Variants in DOP1A observed in about 807,000 individuals in gnomAD.
DOP1A encodes DOP1 leucine zipper like protein A.
DOP1A carries 90 observed loss-of-function variants against 267.6 expected under a neutral mutation model. The observed-to-expected ratio is 0.34, with a 90% CI of 0.28 to 0.40. The LOEUF is 0.40. Ranked by LOEUF, DOP1A falls within the 10% of genes least tolerant of loss-of-function variation. The probability of loss-of-function intolerance (pLI) is 1.00; values close to 1 mark genes in which losing one functional copy is unlikely to be tolerated. For synonymous variants in DOP1A, 932 were observed against 999.1 expected (o/e 0.93, Z 1.27); for missense variants, 2,437 against 2,900.4 (o/e 0.84, Z 3.67).
At chr6:83,103,785 T>A (rs976885708) in intron 4 of DOP1A, among the ~76,000 whole-genome samples, 1 of 152,198 alleles carries the variant, frequency 6.6e-6, no homozygotes, top group Non-Finnish European at 1.5e-5. Flanking sequence ...ATGAACAGAT[T>A]GTAAATGTTC....
intron 1 of DOP1A, among the ~76,000 whole-genome samples, chr6:83,069,052 T>G (rs969900297): frequency 3.9e-5 from 6 of 152,238 alleles, no homozygotes; most frequent in African/African-American, 1.4e-4. Context: ...AATGTTTGTA[T>G]ACATTCAAAG....
chr6:83,090,004 GGTTA>G (rs1770045770), intron 1 of DOP1A, among the ~76,000 whole-genome samples: 1 of 152,198 alleles, frequency 6.6e-6, no homozygotes, highest in African/African-American at 2.4e-5. Flanking sequence ...ATTCAAGATA[GGTTA>G]GTGAGTCCTC....
rs543998781 is a variant in DOP1A at position 83,118,739 on chromosome 6, A to G, written c.781-149A>G. 5 of 482,900 alleles carry G rather than the reference A, an allele frequency of 1.0e-5. No homozygotes were observed. The Admixed American group carries it at 1.8e-4, about 17-fold the overall frequency. 29.9% of individuals were successfully genotyped at this position (482,900 alleles called of 1,614,324 possible). ...TTCTTCCTGTTTCCTAATCTGTAAA[A>G]TGGAAGTAATATCCTGTGTTTGAAA... On this transcript the variant is annotated intron_variant, in intron 7 of 38. Transcript: ENST00000349129.
chr6:83,120,898 A>C, intron 10 of DOP1A, 107 bp downstream of exon 10: 1 of 781,480 alleles, frequency 1.3e-6, no homozygotes, highest in Non-Finnish European at 1.9e-6. Context: ...GTGGCCTTTA[A>C]ATATAAGTTC....
intron 38 of DOP1A, among the ~76,000 whole-genome samples, chr6:83,163,341 T>C (rs927681384): frequency 9.2e-5 from 14 of 152,118 alleles, no homozygotes; most frequent in Non-Finnish European, 1.5e-5. Flanking sequence ...TATGAGTTGA[T>C]TGAAAAAAAT....
intron 1 of DOP1A, among the ~76,000 whole-genome samples, chr6:83,068,886 A>T (rs539186873): frequency 6.6e-6 from 1 of 152,216 alleles, no homozygotes; most frequent in Non-Finnish European, 1.5e-5. Context: ...TAACTAAATC[A>T]TTCTCTGTAA....
intron 1 of DOP1A, among the ~76,000 whole-genome samples, chr6:83,089,986 A>G (rs1167994614): frequency 6.6e-6 from 1 of 152,240 alleles, no homozygotes; most frequent in Non-Finnish European, 1.5e-5. Context: ...ACTAATATTC[A>G]CAAGACAATT....
chr6:83,085,399 A>G (rs1048326168), intron 1 of DOP1A, among the ~76,000 whole-genome samples: 8 of 152,214 alleles, frequency 5.3e-5, no homozygotes, highest in Non-Finnish European at 1.2e-4. Context: ...AACAAATGCT[A>G]ATAAGGAAAT....
intron 4 of DOP1A, among the ~76,000 whole-genome samples, chr6:83,103,590 T>G (rs1217890785): frequency 6.6e-6 from 1 of 152,196 alleles, no homozygotes. Flanking sequence ...CCCCACTTAT[T>G]AGGTCTTCCC....
chr6:83,154,011 T>C lies in DOP1A; in HGVS notation c.6357T>C (p.Ser2119=). The C allele has an allele frequency of 6.2e-7, 1 of 1,614,112 alleles. No homozygotes were observed. The highest frequency in any genetic ancestry group is 1.1e-5 in the South Asian group (1 of 91,076). ...KEAFDLFMDP[S]FFQMDASCVN... ...CTTTTGACCTCTTTATGGATCCCAG[T>C]TTCTTTCAGATGGATGCCTCTTGTG... Residue 2119 remains serine (S), a synonymous_variant, in exon 32 of 39, where the codon AGT becomes AGC. Transcript: ENST00000349129.
chr6:83,103,822 TC>T (rs1773045828), intron 4 of DOP1A, among the ~76,000 whole-genome samples: 1 of 152,178 alleles, frequency 6.6e-6, no homozygotes, highest in Non-Finnish European at 1.5e-5. Flanking sequence ...ACAAATTTAG[TC>T]AATTTCGTAG....
intron 28 of DOP1A, 88 bp downstream of exon 28, chr6:83,151,747 T>C (rs1781724826): frequency 2.1e-6 from 3 of 1,458,760 alleles, no homozygotes; most frequent in African/African-American, 1.4e-5. Context: ...AACTGAAGTT[T>C]CTTTCAACTC....
Position 83,138,413 on chromosome 6 carries a change from T to C in DOP1A, c.4371T>C (p.Ile1457=). ...GTTCTATGTACATAGAAATTCTTAT[T>C]TCTCTCTGCTTATATTACATGCGTA... ...FRSSMYIEIL[I]SLCLYYMRSH... Residue 1457 remains isoleucine (I), a synonymous_variant, in exon 21 of 39, where the codon ATT becomes ATC. Transcript: ENST00000349129. 3 of 1,611,476 alleles carry C rather than the reference T, an allele frequency of 1.9e-6. No individual in the cohort carries two copies. The highest frequency in any genetic ancestry group is 2.5e-6 in the Non-Finnish European group (3 of 1,179,838).
Position 83,137,865 on chromosome 6 carries a change from A to C in DOP1A, c.3823A>C (p.Lys1275Gln). Residue 1275 changes from lysine to glutamine, a missense_variant, in exon 21 of 39, where the codon AAA becomes CAA. Transcript: ENST00000349129. ...TAGTATTCAATTCAGCTTCAAAGAAAAATTATCAGAAAAAGTTTCGGAGAA... is the reference window on the plus strand; with the variant it reads ...TAGTATTCAATTCAGCTTCAAAGAACAATTATCAGAAAAAGTTTCGGAGAA... ...HSSIQFSFKE[K>Q]LSEKVSEKET... 6.2e-7 allele frequency: 1 copy of C among 1,613,490 alleles called. No homozygotes were observed. The highest frequency in any genetic ancestry group is 1.1e-5 in the South Asian group (1 of 91,024).
chr6:83,130,332 G>A lies in DOP1A; in HGVS notation c.2551G>A (p.Val851Ile). 1 of 1,614,054 alleles carries A rather than the reference G, an allele frequency of 6.2e-7. No homozygotes were observed. Residue 851 changes from valine to isoleucine, a missense_variant, in exon 17 of 39, where the codon GTT becomes ATT. This residue lies in a region of DOP1A where 878 missense variants were observed against 992.9 expected (regional missense o/e 0.88). Transcript: ENST00000349129. ...TCCAAACCAGGGAAGAGTAGCTGTG[G>A]TTATTAGACCTCCCCTCACTCAGGG... ...LSPNQGRVAV[V>I]IRPPLTQGNL...
At chr6:83,110,468 T>C (rs960041006) in intron 6 of DOP1A, among the ~76,000 whole-genome samples, 154 bp downstream of exon 6, 1 of 152,196 alleles carries the variant, frequency 6.6e-6, no homozygotes, top group Non-Finnish European at 1.5e-5. Context: ...ATAATAATTA[T>C]TATTTTTAAA....
At chr6:83,128,648 C>T (rs1273267919) in intron 15 of DOP1A, among the ~76,000 whole-genome samples, 1 of 152,040 alleles carries the variant, frequency 6.6e-6, no homozygotes, top group African/African-American at 2.4e-5. Flanking sequence ...GGATATAGAT[C>T]CTAGAGACTT....
In DOP1A at chr6:83,134,247, C is replaced by T. The variant is rs914296492; in HGVS notation, c.2830C>T (p.His944Tyr). 1.2e-6 allele frequency: 2 copies of T among 1,612,548 alleles called. No homozygotes were observed. Among genetic ancestry groups the T allele is most frequent in the Admixed American group, 1.7e-5 (1 of 59,896 alleles). ...AVLWHLTRDL[H>Y]INKSSSFVRS... ...TCTTTGGCATCTAACGAGAGATCTCCATATAAATAAATCTTCATCTTTTGT... is the reference window on the plus strand; with the variant it reads ...TCTTTGGCATCTAACGAGAGATCTCTATATAAATAAATCTTCATCTTTTGT... Residue 944 changes from histidine (H) to tyrosine (Y), a missense_variant, in exon 19 of 39, where the codon CAT becomes TAT. His to Tyr is a moderately conservative substitution (Grantham distance 83). Transcript: ENST00000349129.
In DOP1A at chr6:83,130,262, C is replaced by T. The variant is rs1418207173; in HGVS notation, c.2481C>T (p.Val827=). 1.2e-6 allele frequency: 2 copies of T among 1,614,008 alleles called. No individual in the cohort carries two copies. Among genetic ancestry groups the T allele is most frequent in the East Asian group, 2.2e-5 (1 of 44,842 alleles). Residue 827 remains valine, a synonymous_variant, in exon 17 of 39, where the codon GTC becomes GTT. Transcript: ENST00000349129. ...GACTGACACAGTCTGTGGCCATGGT[C>T]ACTGGGGAAAACATCAACAGTGTAG... ...LVGLTQSVAM[V]TGENINSVEP...
Sources: gnomAD v4.1 joint callset for allele counts (sites outside exome capture counted in the v4.1 genomes callset) on GRCh38, gnomAD v4.1.1 for gene constraint, gnomAD v4.1.1 regional missense constraint, MANE v1.5 for transcripts, NCBI Gene and HGNC (gene_info 2026-07-23, HGNC 2026-07-21) for gene names.